The following LEF1 variants were observed in gnomAD, a reference collection of about 807,000 sequenced individuals.
LEF1 encodes lymphoid enhancer binding factor 1.
A neutral mutation model predicts 51.2 loss-of-function variants in LEF1; 14 were observed. The ratio of observed to expected loss-of-function variants is 0.27; its 90% CI spans 0.18 to 0.43. The LOEUF (loss-of-function observed/expected upper bound fraction) is 0.43, where lower values mean the gene tolerates loss of function less well. Ranked by LOEUF, LEF1 falls within the 20% of genes least tolerant of loss-of-function variation. LEF1 has a pLI of 1.00. For missense variants in LEF1, 386 were observed against 512.0 expected (o/e 0.75, Z 2.37); for synonymous variants, 185 against 183.2 (o/e 1.01, Z -0.08).
At chr4:108,108,058 GA>G (rs1394920505) in intron 3 of LEF1, among the ~76,000 whole-genome samples, 4 of 152,210 alleles carry the variant, frequency 2.6e-5, no homozygotes, top group Admixed American at 1.3e-4. Context: ...GCTACAAAGT[GA>G]GGCTGGTCTT....
chr4:108,056,847 C>T (rs1443156766), intron 11 of LEF1, among the ~76,000 whole-genome samples: 1 of 151,776 alleles, frequency 6.6e-6, no homozygotes, highest in African/African-American at 2.4e-5. Context: ...TTCCACAGGA[C>T]CTCACCACTG....
chr4:108,077,218 C>T (rs924866709), intron 8 of LEF1, among the ~76,000 whole-genome samples: 10 of 152,236 alleles, frequency 6.6e-5, no homozygotes, highest in African/African-American at 4.8e-5. Flanking sequence ...GCCACTGTCC[C>T]GTCTAGCAAG....
chr4:108,062,433 T>A (rs947869874), intron 11 of LEF1, among the ~76,000 whole-genome samples: 1 of 151,940 alleles, frequency 6.6e-6, no homozygotes, highest in Non-Finnish European at 1.5e-5. Flanking sequence ...TGCTAATAAT[T>A]TTGTTTGGAC....
Position 108,140,548 on chromosome 4 carries a change from A to G in LEF1, c.414+23020T>C, listed in dbSNP as rs555679778. On this transcript the variant is annotated intron_variant, in intron 3 of 11. Transcript: ENST00000265165. ...ACGCCTCTGATGTCTAAGCTGGAGC[A>G]GCATAAAAGGTAAACCCAGGCCTGG... Among the ~76,000 whole-genome samples the G allele has an allele frequency of 2.2e-3, 331 of 152,342 alleles. 3 individuals are homozygous for G. Among genetic ancestry groups the G allele is most frequent in the Middle Eastern group, 0.01 (3 of 294 alleles).
At chr4:108,100,420 G>A (rs946345262) in intron 3 of LEF1, among the ~76,000 whole-genome samples, 2 of 152,138 alleles carry the variant, frequency 1.3e-5, no homozygotes, top group Non-Finnish European at 2.9e-5. Flanking sequence ...GCTATTCTCT[G>A]CTAGTGAAAA....
chr4:108,128,417 C>T (rs774149802), intron 3 of LEF1, among the ~76,000 whole-genome samples: 146 of 151,740 alleles, frequency 9.6e-4, no homozygotes, highest in Middle Eastern at 3.4e-3. Flanking sequence ...AAAAAAACTT[C>T]ATAAAAGCTT....
At chr4:108,150,485 T>C (rs996353371) in intron 3 of LEF1, among the ~76,000 whole-genome samples, 1 of 152,190 alleles carries the variant, frequency 6.6e-6, no homozygotes, top group African/African-American at 2.4e-5. Context: ...CACATGGTTA[T>C]GTGTTGAATG....
chr4:108,085,098 G>A (rs889549723), intron 4 of LEF1, among the ~76,000 whole-genome samples: 1 of 151,498 alleles, frequency 6.6e-6, no homozygotes, highest in Admixed American at 6.6e-5. Context: ...ATTTTATTTT[G>A]TTTTATTTTT....
At chr4:108,074,569 C>T (rs1007651386) in intron 8 of LEF1, among the ~76,000 whole-genome samples, 3 of 152,058 alleles carry the variant, frequency 2.0e-5, no homozygotes, top group African/African-American at 7.2e-5. Flanking sequence ...ATTTAAGATC[C>T]ACTTTTAAGA....
chr4:108,079,118 A>T (rs1263867848), intron 7 of LEF1, among the ~76,000 whole-genome samples: 1 of 152,236 alleles, frequency 6.6e-6, no homozygotes, highest in Non-Finnish European at 1.5e-5. Flanking sequence ...TCCAGAAGAA[A>T]GTGCATTAAA....
chr4:108,136,321 C>T lies in LEF1; in HGVS notation c.414+27247G>A, dbSNP rs186342843. On this transcript the variant is annotated intron_variant, in intron 3 of 11. Transcript: ENST00000265165. Reference sequence around the variant, plus strand: ...TTCTGCTTTGTCCTTCTACTATATGCGTATTCCCCCCAAAACCTTCAAAAC... The same window carrying T: ...TTCTGCTTTGTCCTTCTACTATATGTGTATTCCCCCCAAAACCTTCAAAAC... Among the ~76,000 whole-genome samples the T allele has an allele frequency of 3.3e-5, 5 of 152,282 alleles. No individual in the cohort carries two copies. The East Asian group carries it at 7.7e-4, about 23-fold the overall frequency.
At chr4:108,163,790 T>G in intron 2 of LEF1, 89 bp from the exon 3 acceptor site, 4 of 1,338,594 alleles carry the variant, frequency 3.0e-6, no homozygotes, top group Non-Finnish European at 4.1e-6. Context: ...AGTTCTAAGA[T>G]AAATCAGACC....
chr4:108,116,383 G>A (rs747355135), intron 3 of LEF1, among the ~76,000 whole-genome samples: 7 of 152,170 alleles, frequency 4.6e-5, no homozygotes, highest in Non-Finnish European at 7.3e-5. Flanking sequence ...TTAGCTGGGC[G>A]TGGTGGCACA....
At chr4:108,053,262 T>C (rs969512818) in intron 11 of LEF1, among the ~76,000 whole-genome samples, 1 of 152,136 alleles carries the variant, frequency 6.6e-6, no homozygotes, top group African/African-American at 2.4e-5. Context: ...AAATATAACC[T>C]ACAAAAGCCA....
chr4:108,081,111 C>A (rs532621321), intron 6 of LEF1, among the ~76,000 whole-genome samples: 1 of 152,262 alleles, frequency 6.6e-6, no homozygotes, highest in South Asian at 2.1e-4. Flanking sequence ...TTCTGACAGC[C>A]TCCATCCAGG....
chr4:108,050,930 C>T (rs1186020246), intron 11 of LEF1, among the ~76,000 whole-genome samples: 1 of 152,172 alleles, frequency 6.6e-6, no homozygotes, highest in Non-Finnish European at 1.5e-5. Context: ...CCCTGCACTT[C>T]CGGCTCCACC....
chr4:108,083,510 T>C, intron 4 of LEF1, 64 bp from the exon 5 acceptor site: 3 of 1,034,698 alleles, frequency 2.9e-6, no homozygotes, highest in Non-Finnish European at 2.9e-6. Context: ...GAAATGCAAC[T>C]ACATGTTTTA....
At position 108,048,264 on chromosome 4, in the gene LEF1, AG is replaced by A. The variant is rs2126248166; in HGVS notation, c.*493del. ...GAGAAAAGAAAAGAAAGAAAAATGA[AG>A]CAGAAACAAAGAGGGAACTCTTCCA... On this transcript the variant is annotated 3_prime_UTR_variant, in exon 12 of 12. Coordinates refer to ENST00000265165, the MANE Select transcript of LEF1 (RefSeq NM_016269.5). 1 of 157,360 alleles carries A rather than the reference AG, an allele frequency of 6.4e-6. No individual in the cohort carries two copies. The highest frequency in any genetic ancestry group is 2.1e-4 in the South Asian group (1 of 4,870). The allele number at this position is 157,360 out of a possible 1,614,324, so 9.7% of individuals were successfully genotyped here.
At chr4:108,150,942 G>C (rs1474299324) in intron 3 of LEF1, among the ~76,000 whole-genome samples, 1 of 152,122 alleles carries the variant, frequency 6.6e-6, no homozygotes. Context: ...TTCTGGTCAA[G>C]GTCCAGGAAG....
Sources: gnomAD v4.1 joint callset for allele counts (sites outside exome capture counted in the v4.1 genomes callset) on GRCh38, gnomAD v4.1.1 for gene constraint, MANE v1.5 for transcripts, NCBI Gene and HGNC (gene_info 2026-07-23, HGNC 2026-07-21) for gene names.